DCAF11: variants seen among roughly 807,000 people sequenced by gnomAD.
The protein encoded by DCAF11 is DDB1- and CUL4-associated factor 11.
DCAF11 carries 44 observed loss-of-function variants against 76.1 expected under a neutral mutation model. That is an observed-to-expected ratio of 0.58 (90% confidence interval 0.45 to 0.74). The LOEUF is 0.74. Among genes scored for constraint, DCAF11 ranks in the 30% least tolerant of loss-of-function variants. The probability of loss-of-function intolerance (pLI) is 0.00; values close to 1 mark genes in which losing one functional copy is unlikely to be tolerated. For synonymous variants in DCAF11, 258 were observed against 255.0 expected, an observed-to-expected ratio of 1.01 and a Z score of -0.11; for missense variants, 604 against 709.4, an observed-to-expected ratio of 0.85 and a Z score of 1.69.
chr14:24,117,341 T>C lies in DCAF11; in HGVS notation c.359T>C (p.Leu120Pro). The change falls in exon 4 of 15, where the codon CTG (leucine) becomes CCG (proline). Residue 120 changes from leucine to proline, a missense_variant. Coordinates refer to ENST00000446197, the MANE Select transcript of DCAF11 (RefSeq NM_025230.5). The surrounding 1 kb of genome is among the most constrained non-coding windows in gnomAD (Gnocchi z 4.3). ...KTQVELATGQ[L>P]GLRRAAQKHS... is the part of the protein sequence containing the mutation. The stretch of plus-strand genomic sequence containing the variant: ...CAAGTGGAACTGGCCACAGGGCAGC[T>C]GGGGCTTAGGCGGGCCGCCCAGAAG... 6.2e-7 allele frequency: 1 copy of C among 1,614,252 alleles called. No homozygotes were observed. Among genetic ancestry groups the C allele is most frequent in the Non-Finnish European group, 8.5e-7 (1 of 1,180,046 alleles).
chr14:24,115,757 AC>A lies in DCAF11; in HGVS notation c.155+11del. The A allele has an allele frequency of 6.2e-7, 1 of 1,610,342 alleles. No homozygotes were observed. The highest frequency in any genetic ancestry group is 8.5e-7 in the Non-Finnish European group (1 of 1,178,022). On this transcript the variant is annotated intron_variant, in intron 2 of 14. Coordinates refer to ENST00000446197, the MANE Select transcript of DCAF11 (RefSeq NM_025230.5). ...GGCCTATCTCCTCCGCAGGTAACTT[AC>A]CCTCTGGTGTGACCCCCAGCAGGTG... is the stretch of plus-strand genomic sequence containing the variant.
At chr14:24,120,042 C>A in intron 11 of DCAF11, 146 bp downstream of exon 11, 1 of 1,063,112 alleles carries the variant, frequency 9.4e-7, no homozygotes, top group Non-Finnish European at 1.3e-6. Context: ...GGGCTCAAGC[C>A]AGGGAACATG....
In DCAF11 at chr14:24,115,560, C is replaced by T. The variant is rs528740183; in HGVS notation, c.-35C>T. On this transcript the variant is annotated 5_prime_UTR_variant, in exon 2 of 15. Coordinates refer to ENST00000446197, the MANE Select transcript of DCAF11 (RefSeq NM_025230.5). ...AACCCAAGGAGGTGACAGGAGGAGCCCCCGCACAGGACCTAAGAATGCTGT... is the reference window on the plus strand; with the variant it reads ...AACCCAAGGAGGTGACAGGAGGAGCTCCCGCACAGGACCTAAGAATGCTGT... 2.5e-6 allele frequency: 4 copies of T among 1,581,790 alleles called. No homozygotes were observed. Among genetic ancestry groups the T allele is most frequent in the East Asian group, 4.5e-5 (2 of 44,276 alleles).
At chr14:24,121,645 G>A in intron 13 of DCAF11, 128 bp downstream of exon 13, 1 of 1,053,584 alleles carries the variant, frequency 9.5e-7, no homozygotes, top group African/African-American at 1.6e-5. Context: ...AACTTAGCTT[G>A]GAGGCTTAAA....
At chr14:24,118,675 G>T (rs2037629790) in intron 7 of DCAF11, 75 bp from the exon 8 acceptor site, 9 of 1,600,958 alleles carry the variant, frequency 5.6e-6, no homozygotes, top group African/African-American at 1.3e-5. Flanking sequence ...TCCCCTGTTT[G>T]ATCTCTTCCC....
intron 2 of DCAF11, among the ~76,000 whole-genome samples, chr14:24,116,487 T>C (rs1272657084): frequency 6.6e-6 from 1 of 152,174 alleles, no homozygotes; most frequent in African/African-American, 2.4e-5. Context: ...CCCAGGTAGC[T>C]AAGACTACAG....
rs1323120981 is a variant in DCAF11, at chr14:24,115,102, G to C, written c.-405G>C. ...TCACTGCTGCCGGCCTTTGTAAGGG[G>C]GCGCTCTGATTGGTCGATAAGGTGG... On this transcript the variant is annotated 5_prime_UTR_variant, in exon 1 of 15. Transcript: ENST00000446197. The C allele has an allele frequency of 4.1e-5, 35 of 845,428 alleles. No homozygotes were observed. Among genetic ancestry groups the C allele is most frequent in the Non-Finnish European group, 4.8e-5 (34 of 701,794 alleles). The allele number at this position is 845,428 out of a possible 1,614,324, so 52.4% of individuals were successfully genotyped here. A position where few individuals can be genotyped will look rare whatever the true frequency, so the allele number is the denominator to read the frequency against.
At chr14:24,116,042 G>A (rs993406740) in intron 2 of DCAF11, among the ~76,000 whole-genome samples, 19 of 145,168 alleles carry the variant, frequency 1.3e-4, no homozygotes, top group Admixed American at 1.4e-4. Context: ...AAGTAAGCTT[G>A]AAAAAAAAAA....
rs1380441195 is a variant in DCAF11 at position 24,119,729 on chromosome 14, G to C, written c.925G>C (p.Asp309His). The change falls in exon 11 of 15, where the codon GAT becomes CAT. Residue 309 changes from aspartate to histidine, a missense_variant. Transcript: ENST00000446197. ...CGCCTAGATTGAGTCCCATGAGGAT[G>C]ATGTGAATGCAGTGGCCTTTGCTGA... The part of the protein sequence containing the change: ...RTLQIESHED[D>H]VNAVAFADIS... 6.2e-7 allele frequency: 1 copy of C among 1,614,246 alleles called. No homozygotes were observed. Among genetic ancestry groups the C allele is most frequent in the Non-Finnish European group, 8.5e-7 (1 of 1,180,036 alleles).
At position 24,115,751 on chromosome 14, in the gene DCAF11, TA is replaced by T. The variant is rs1372856097; in HGVS notation, c.155+4del. 1 of 1,611,348 alleles carries T rather than the reference TA, an allele frequency of 6.2e-7. No individual in the cohort carries two copies. The highest frequency in any genetic ancestry group is 1.7e-5 in the Admixed American group (1 of 59,648). On this transcript the variant is annotated splice_donor_region_variant and intron_variant, in intron 2 of 14. Coordinates refer to ENST00000446197, the MANE Select transcript of DCAF11 (RefSeq NM_025230.5). ...GGTACTGGCCTATCTCCTCCGCAGG[TA>T]ACTTACCCTCTGGTGTGACCCCCAG... is the stretch of plus-strand genomic sequence containing the variant.
Position 24,124,795 on chromosome 14 carries a change from A to G in DCAF11, c.*1486A>G, listed in dbSNP as rs1484517522. 18 of 152,238 alleles carry G rather than the reference A, an allele frequency of 1.2e-4. No homozygotes were observed. Among genetic ancestry groups the G allele is most frequent in the Admixed American group, 1.2e-3 (18 of 15,268 alleles). The allele number at this position is 152,238 out of a possible 1,614,324, so 9.4% of individuals were successfully genotyped here. A position where few individuals can be genotyped will look rare whatever the true frequency, so the allele number is the denominator to read the frequency against. On this transcript the variant is annotated 3_prime_UTR_variant, in exon 15 of 15. Transcript: ENST00000446197. ...GGTGGTTCACACCTGTAATCCCGGC[A>G]TTTTGGGAGGCCGAGATAGGTGGAT... is the stretch of plus-strand genomic sequence containing the variant.
chr14:24,120,996 G>T lies in DCAF11; in HGVS notation c.1246+5G>T. 1.2e-6 allele frequency: 2 copies of T among 1,614,074 alleles called. No homozygotes were observed. Among genetic ancestry groups the T allele is most frequent in the South Asian group, 1.1e-5 (1 of 91,058 alleles). On this transcript the variant is annotated splice_donor_5th_base_variant and intron_variant, in intron 12 of 14. Transcript: ENST00000446197. ...GGCAGCAAGTGCCCAAAAAAGGTGA[G>T]ACTGGAAGTACAGGCACAGTGGATT...
In DCAF11 at chr14:24,117,626, C is replaced by T. The variant is rs777834764; in HGVS notation, c.412-42C>T. ...GGGGCTTGATATGGCTGAAGTGGCC[C>T]TCTATTTCTGCTAGCAATATTCCCC... On this transcript the variant is annotated intron_variant, in intron 4 of 14. Coordinates refer to ENST00000446197, the MANE Select transcript of DCAF11 (RefSeq NM_025230.5). The surrounding 1 kb of genome is among the most constrained non-coding windows in gnomAD (Gnocchi z 4.3). 3.7e-6 allele frequency: 6 copies of T among 1,600,598 alleles called. No individual in the cohort carries two copies. The highest frequency in any genetic ancestry group is 1.3e-5 in the African/African-American group (1 of 74,658).
In DCAF11 at chr14:24,116,907, C is replaced by G; in HGVS notation, c.156-10C>G. On this transcript the variant is annotated splice_polypyrimidine_tract_variant and intron_variant, in intron 2 of 14. Coordinates refer to ENST00000446197, the MANE Select transcript of DCAF11 (RefSeq NM_025230.5). The stretch of plus-strand genomic sequence containing the variant: ...AAGTCCCCTCCTTTATAATGGGGGT[C>G]TCTCCACAGAGGCCAAGTGAGGTTG... 1 of 1,614,044 alleles carries G rather than the reference C, an allele frequency of 6.2e-7. No homozygotes were observed. Among genetic ancestry groups the G allele is most frequent in the South Asian group, 1.1e-5 (1 of 91,068 alleles).
At position 24,117,030 on chromosome 14, in the gene DCAF11, G is replaced by A. The variant is rs761110023; in HGVS notation, c.269G>A (p.Arg90Gln). The A allele has an allele frequency of 3.3e-5, 53 of 1,614,078 alleles. No homozygotes were observed. The highest frequency in any genetic ancestry group is 3.1e-5 in the Non-Finnish European group (37 of 1,180,048). The change falls in exon 3 of 15, where the codon CGA (arginine) becomes CAA (glutamine). Residue 90 changes from arginine (R) to glutamine (Q), a missense_variant. Transcript: ENST00000446197. The surrounding 1 kb of genome is among the most constrained non-coding windows in gnomAD (Gnocchi z 4.3). Reference sequence around the variant, plus strand: ...GCTTGGGATGGTCGTCTTGGGGATCGATACAACCCACCTGGTAAGAGGAAA... The same window carrying A: ...GCTTGGGATGGTCGTCTTGGGGATCAATACAACCCACCTGGTAAGAGGAAA... ...DRAWDGRLGD[R>Q]YNPPVDATPD...
At position 24,117,798 on chromosome 14, in the gene DCAF11, G is replaced by T; in HGVS notation, c.476+66G>T. On this transcript the variant is annotated intron_variant, in intron 5 of 14. Coordinates refer to ENST00000446197, the MANE Select transcript of DCAF11 (RefSeq NM_025230.5). This position sits in a 1 kb window ranked among gnomAD's most constrained non-coding sequence, Gnocchi z 4.3. ...AGGTCTTATCTCCTAAACTTTGAAG[G>T]GGTAGGTGTTAAAGGAGCCTCAGAG... is the stretch of plus-strand genomic sequence containing the variant. The T allele has an allele frequency of 6.5e-7, 1 of 1,532,098 alleles. No individual in the cohort carries two copies. The highest frequency in any genetic ancestry group is 1.1e-5 in the South Asian group (1 of 87,590). 94.9% of individuals were successfully genotyped at this position (1,532,098 alleles called of 1,614,324 possible).
intron 13 of DCAF11, chr14:24,121,786 T>A (rs1017097887): frequency 7.7e-6 from 3 of 391,322 alleles, no homozygotes; most frequent in Non-Finnish European, 1.4e-5. Context: ...AAGAAAGAGG[T>A]TGCAGATGAA....
In DCAF11 at chr14:24,114,995, T is replaced by TGGCGTACACACCCCC. The variant is rs2037509892; in HGVS notation, c.-507_-493dup. 1.0e-6 allele frequency: 1 copy of TGGCGTACACACCCCC among 985,794 alleles called. No individual in the cohort carries two copies. The highest frequency in any genetic ancestry group is 1.7e-5 in the African/African-American group (1 of 57,242). 61.1% of individuals were successfully genotyped at this position (985,794 alleles called of 1,614,324 possible). On this transcript the variant is annotated 5_prime_UTR_variant, in exon 1 of 15. Coordinates refer to ENST00000446197, the MANE Select transcript of DCAF11 (RefSeq NM_025230.5). ...GTGCTTCTCGGCTTCCTCCCCCTCATGGCGTACACACCCCCGGCGCACCAC... is the reference window on the plus strand; with the variant it reads ...GTGCTTCTCGGCTTCCTCCCCCTCATGGCGTACACACCCCCGGCGTACACACCCCCGGCGCACCAC...
At chr14:24,121,032 C>T (rs2037681924) in intron 12 of DCAF11, 41 bp downstream of exon 12, 1 of 1,607,446 alleles carries the variant, frequency 6.2e-7, no homozygotes, top group Non-Finnish European at 8.5e-7. Flanking sequence ...TGTCTGTAGC[C>T]TGGGAGCCCT....
Sources: allele counts gnomAD v4.1 joint callset (sites outside exome capture counted in the v4.1 genomes callset), GRCh38; gene constraint gnomAD v4.1.1; non-coding constraint Gnocchi (gnomAD v3.1); transcripts MANE v1.5; gene names NCBI Gene and HGNC (gene_info 2026-07-23, HGNC 2026-07-21).